The following SCHIP1 variants were observed in gnomAD, a reference collection of about 807,000 sequenced individuals.
SCHIP1 encodes the protein schwannomin interacting protein 1, also known as schwannomin-interacting protein 1.
Under a neutral mutation model 29.7 loss-of-function variants are expected in SCHIP1, and 8 were observed. The observed-to-expected ratio is 0.27, with a 90% CI of 0.16 to 0.49. The LOEUF is 0.49. Ranked by LOEUF, SCHIP1 falls within the 20% of genes least tolerant of loss-of-function variation. The pLI is 0.99. For synonymous variants in SCHIP1, 76 were observed against 94.9 expected (o/e 0.80, Z 1.16); for missense variants, 193 against 294.6 (o/e 0.66, Z 2.52).
the SCHIP1 span, among the ~76,000 whole-genome samples, chr3:159,573,278 C>G: frequency 6.6e-6 from 1 of 152,132 alleles, no homozygotes; most frequent in Non-Finnish European, 1.5e-5. Flanking sequence ...TTTAGTGCTT[C>G]CTTCAAGGAG....
chr3:159,337,324 A>C, the SCHIP1 span, among the ~76,000 whole-genome samples: 338 of 152,228 alleles, frequency 2.2e-3, 2 homozygotes, highest in African/African-American at 7.7e-3. Flanking sequence ...CCTATTCAAC[A>C]TAGTGTTGGA....
At chr3:159,447,604 A>G in the SCHIP1 span, among the ~76,000 whole-genome samples, 1 of 152,106 alleles carries the variant, frequency 6.6e-6, no homozygotes, top group Non-Finnish European at 1.5e-5. Flanking sequence ...CAAACAAATC[A>G]CTTTTTTACT....
the SCHIP1 span, among the ~76,000 whole-genome samples, chr3:159,629,142 A>AC: frequency 1.7e-4 from 26 of 150,502 alleles, no homozygotes; most frequent in African/African-American, 3.9e-4. Flanking sequence ...GTTAAACAAA[A>AC]ACACACACAC....
the SCHIP1 span, among the ~76,000 whole-genome samples, chr3:159,323,914 G>T: frequency 5.7e-4 from 87 of 152,258 alleles, no homozygotes; most frequent in African/African-American, 1.9e-3. Flanking sequence ...GCTTTCTTTG[G>T]TTCATCCTAA....
chr3:159,828,399 A>ATATATACG, the SCHIP1 span, among the ~76,000 whole-genome samples: 2 of 49,654 alleles, frequency 4.0e-5, no homozygotes, highest in African/African-American at 1.1e-4. Context: ...ATATATACGT[A>ATATATACG]TATATATACG....
At chr3:159,563,343 TC>T in the SCHIP1 span, among the ~76,000 whole-genome samples, 1 of 152,202 alleles carries the variant, frequency 6.6e-6, no homozygotes, top group Non-Finnish European at 1.5e-5. Flanking sequence ...AAAGTCATTT[TC>T]TTTTTATATA....
chr3:159,386,375 AAG>A, the SCHIP1 span, among the ~76,000 whole-genome samples: 1 of 152,204 alleles, frequency 6.6e-6, no homozygotes, highest in South Asian at 2.1e-4. Context: ...TCAAGGAAAT[AAG>A]AGAGGACACA....
the SCHIP1 span, chr3:159,764,827 G>C: frequency 6.3e-7 from 1 of 1,588,660 alleles, no homozygotes; most frequent in Non-Finnish European, 8.6e-7. The surrounding 1 kb of genome is among the most constrained non-coding windows in gnomAD (Gnocchi z 6.1). Context: ...GGTGCCCAAC[G>C]GCAACCTCCA....
chr3:159,495,006 C>T, the SCHIP1 span, among the ~76,000 whole-genome samples: 73 of 152,204 alleles, frequency 4.8e-4, no homozygotes, highest in African/African-American at 1.7e-3. Context: ...TGACAAAAAC[C>T]ACATGATTAT....
chr3:159,878,293 C>T (rs1383175621), intron 2 of SCHIP1, among the ~76,000 whole-genome samples: 1 of 151,872 alleles, frequency 6.6e-6, no homozygotes, highest in Non-Finnish European at 1.5e-5. Flanking sequence ...GCCTGGCCAA[C>T]ATGGTGAAAC....
At chr3:159,751,549 C>CTTTT in the SCHIP1 span, among the ~76,000 whole-genome samples, 104 of 145,728 alleles carry the variant, frequency 7.1e-4, 1 homozygote, top group South Asian at 1.5e-3. Context: ...ACAATTATTT[C>CTTTT]TTTTTTTTTT....
the SCHIP1 span, among the ~76,000 whole-genome samples, chr3:159,749,361 T>TA: frequency 6.7e-4 from 95 of 141,648 alleles, no homozygotes; most frequent in Middle Eastern, 3.6e-3. Flanking sequence ...AAAGAGAATT[T>TA]AAAAAAAAAA....
the SCHIP1 span, among the ~76,000 whole-genome samples, chr3:159,801,735 A>T: frequency 2.6e-5 from 4 of 152,146 alleles, no homozygotes; most frequent in African/African-American, 4.8e-5. Context: ...ATATTTCTAT[A>T]TACCTTACAA....
chr3:159,699,600 C>T, the SCHIP1 span, among the ~76,000 whole-genome samples: 4 of 152,182 alleles, frequency 2.6e-5, no homozygotes, highest in African/African-American at 9.7e-5. Context: ...GTATCACATC[C>T]ACACAGGGTG....
the SCHIP1 span, among the ~76,000 whole-genome samples, chr3:159,643,814 ACT>A: frequency 6.6e-6 from 1 of 151,638 alleles, no homozygotes; most frequent in East Asian, 1.9e-4. Context: ...CCTGGCCTAA[ACT>A]CTCTCTCTTC....
chr3:159,767,213 A>C, the SCHIP1 span, among the ~76,000 whole-genome samples: 1 of 152,242 alleles, frequency 6.6e-6, no homozygotes, highest in Non-Finnish European at 1.5e-5. Flanking sequence ...TCAAACAGTA[A>C]GTTTCCCATG....
At chr3:159,876,456 G>C (rs1715822226) in intron 2 of SCHIP1, among the ~76,000 whole-genome samples, 1 of 152,182 alleles carries the variant, frequency 6.6e-6, no homozygotes, top group Non-Finnish European at 1.5e-5. Flanking sequence ...TACTTCATGG[G>C]GTTACTGTGA....
the SCHIP1 span, among the ~76,000 whole-genome samples, chr3:159,704,167 G>T: frequency 3.4e-3 from 522 of 152,124 alleles, 5 homozygotes; most frequent in African/African-American, 0.012. Flanking sequence ...AGGCACAGTG[G>T]CTCACACCTG....
chr3:159,688,513 G>A, the SCHIP1 span, among the ~76,000 whole-genome samples: 3 of 152,046 alleles, frequency 2.0e-5, 1 homozygote, highest in African/African-American at 7.2e-5. Context: ...TGTCAGATGG[G>A]TAGATTGCAA....
Sources: gnomAD v4.1 joint callset for allele counts (sites outside exome capture counted in the v4.1 genomes callset) on GRCh38, gnomAD v4.1.1 for gene constraint, Gnocchi (gnomAD v3.1) non-coding constraint, MANE v1.5 for transcripts, NCBI Gene and HGNC (gene_info 2026-07-23, HGNC 2026-07-21) for gene names.